Variants in MACROD2 observed in about 807,000 individuals in gnomAD.
The protein encoded by MACROD2 is ADP-ribose glycohydrolase MACROD2.
MACROD2 carries 36 observed loss-of-function variants against 70.4 expected under a neutral mutation model. That is an observed-to-expected ratio of 0.51 (90% CI 0.39 to 0.68). The LOEUF is 0.68. Ranked by LOEUF, MACROD2 falls within the 30% of genes least tolerant of loss-of-function variation. The pLI, the probability that MACROD2 is intolerant of heterozygous loss-of-function variation, is 0.00. For synonymous variants in MACROD2, 172 were observed against 178.8 expected (o/e 0.96, Z 0.30); for missense variants, 496 against 538.4 (o/e 0.92, Z 0.78).
chr20:14,430,226 C>G (rs2083979714), intron 3 of MACROD2, among the ~76,000 whole-genome samples: 1 of 152,132 alleles, frequency 6.6e-6, no homozygotes, highest in Non-Finnish European at 1.5e-5. Context: ...GGATTTGGGG[C>G]TTTTCTTCAG....
chr20:14,883,228 A>G (rs1297131711), intron 5 of MACROD2, among the ~76,000 whole-genome samples: 1 of 152,150 alleles, frequency 6.6e-6, no homozygotes, highest in Non-Finnish European at 1.5e-5. Context: ...AATAGCCTGA[A>G]TGGGTGATTC....
intron 15 of MACROD2, among the ~76,000 whole-genome samples, chr20:15,991,339 A>G (rs1402145761): frequency 6.6e-6 from 1 of 152,238 alleles, no homozygotes; most frequent in East Asian, 1.9e-4. Flanking sequence ...TTAGAGGTTT[A>G]TCTCATCTAC....
At chr20:16,015,120 C>T (rs1262448583) in intron 15 of MACROD2, among the ~76,000 whole-genome samples, 1 of 152,060 alleles carries the variant, frequency 6.6e-6, no homozygotes, top group Non-Finnish European at 1.5e-5. Context: ...GAAGGAATCA[C>T]CTGTTTATAT....
At chr20:15,506,360 A>T (rs1042011980) in intron 8 of MACROD2, among the ~76,000 whole-genome samples, 3 of 152,212 alleles carry the variant, frequency 2.0e-5, no homozygotes, top group African/African-American at 7.2e-5. Flanking sequence ...CACTGTAGAA[A>T]TGCACGTCCA....
chr20:14,733,180 A>G (rs1223237535), intron 5 of MACROD2, among the ~76,000 whole-genome samples: 5 of 152,156 alleles, frequency 3.3e-5, no homozygotes, highest in South Asian at 2.1e-4. Context: ...TCTTCTTGCA[A>G]TGGACTTTGG....
chr20:15,987,869 A>T (rs1211790773), intron 15 of MACROD2, among the ~76,000 whole-genome samples: 1 of 152,222 alleles, frequency 6.6e-6, no homozygotes, highest in Non-Finnish European at 1.5e-5. Flanking sequence ...CTCTTAAAAG[A>T]AGCTAATAAA....
At chr20:15,201,421 T>G (rs1021944149) in intron 5 of MACROD2, among the ~76,000 whole-genome samples, 1 of 152,228 alleles carries the variant, frequency 6.6e-6, no homozygotes, top group African/African-American at 2.4e-5. Flanking sequence ...TAATGCCATA[T>G]GGATAAACAT....
chr20:14,550,757 G>A (rs1322338386), intron 4 of MACROD2, among the ~76,000 whole-genome samples: 1 of 152,202 alleles, frequency 6.6e-6, no homozygotes, highest in African/African-American at 2.4e-5. Context: ...TAACTCCAGT[G>A]CCTGGAAAAG....
intron 8 of MACROD2, among the ~76,000 whole-genome samples, chr20:15,533,379 C>T (rs547499248): frequency 1.3e-5 from 2 of 152,294 alleles, no homozygotes; most frequent in South Asian, 4.1e-4. Flanking sequence ...CTACATAAGA[C>T]AGATGCTTTC....
At chr20:15,476,570 G>GCCCCC (rs10596676) in intron 7 of MACROD2, among the ~76,000 whole-genome samples, 1 of 150,152 alleles carries the variant, frequency 6.7e-6, no homozygotes, top group Non-Finnish European at 1.5e-5. Context: ...TTGTTGTTTT[G>GCCCCC]CCCCCCCCCG....
At chr20:14,479,239 C>T (rs887427667) in intron 3 of MACROD2, among the ~76,000 whole-genome samples, 7 of 152,162 alleles carry the variant, frequency 4.6e-5, no homozygotes, top group Non-Finnish European at 7.4e-5. Context: ...CATCAGTGTC[C>T]CTTGGTGTTG....
chr20:14,732,332 CTTTG>C (rs1399763590), intron 5 of MACROD2, among the ~76,000 whole-genome samples: 6 of 152,196 alleles, frequency 3.9e-5, no homozygotes, highest in African/African-American at 1.4e-4. Context: ...TATCTGTAAT[CTTTG>C]TTTGGACTTT....
At chr20:15,663,436 A>G (rs941267773) in intron 8 of MACROD2, among the ~76,000 whole-genome samples, 2 of 151,904 alleles carry the variant, frequency 1.3e-5, no homozygotes, top group African/African-American at 4.8e-5. Context: ...GGGTTTCACC[A>G]TGTTGCCTAG....
At chr20:15,368,608 C>T (rs768872275) in intron 6 of MACROD2, among the ~76,000 whole-genome samples, 4 of 151,740 alleles carry the variant, frequency 2.6e-5, no homozygotes, top group South Asian at 2.1e-4. Flanking sequence ...ATTACAGGAG[C>T]GCACCACCAT....
At chr20:15,828,363 GA>G (rs2064019943) in intron 8 of MACROD2, among the ~76,000 whole-genome samples, 1 of 152,088 alleles carries the variant, frequency 6.6e-6, no homozygotes, top group Non-Finnish European at 1.5e-5. Flanking sequence ...TATGAAAGTA[GA>G]AAAAAGTTTG....
chr20:15,931,824 C>T (rs1314684895), intron 10 of MACROD2, among the ~76,000 whole-genome samples: 2 of 152,010 alleles, frequency 1.3e-5, no homozygotes, highest in Non-Finnish European at 2.9e-5. Context: ...TAGGTCAAAT[C>T]TAAATGTTTC....
intron 8 of MACROD2, among the ~76,000 whole-genome samples, chr20:15,528,177 C>T (rs551557145): frequency 6.6e-6 from 1 of 152,258 alleles, no homozygotes; most frequent in African/African-American, 2.4e-5. Flanking sequence ...GCTCTTTGCC[C>T]AGGCTGGAGT....
intron 2 of MACROD2, among the ~76,000 whole-genome samples, chr20:14,004,748 A>G (rs1034158927): frequency 2.0e-5 from 3 of 152,298 alleles, no homozygotes; most frequent in East Asian, 3.9e-4. Context: ...CATTGCTTAT[A>G]CATGTATAAG....
chr20:15,030,907 C>T (rs550852791), intron 5 of MACROD2, among the ~76,000 whole-genome samples: 2 of 152,274 alleles, frequency 1.3e-5, no homozygotes, highest in East Asian at 3.9e-4. Context: ...AGGCTGGTAG[C>T]GCCTTTGCCC....
Sources: gnomAD v4.1 joint callset for allele counts (sites outside exome capture counted in the v4.1 genomes callset) on GRCh38, gnomAD v4.1.1 for gene constraint, MANE v1.5 for transcripts, NCBI Gene and HGNC (gene_info 2026-07-23, HGNC 2026-07-21) for gene names.